The following ATRX variants were observed in gnomAD, a reference collection of about 807,000 sequenced individuals.
ATRX encodes the protein ATRX chromatin remodeler.
ATRX carries 12 observed loss-of-function variants against 172.6 expected under a neutral mutation model. The ratio of observed to expected loss-of-function variants is 0.07; its 90% CI spans 0.04 to 0.11. The LOEUF (loss-of-function observed/expected upper bound fraction) is 0.11, where lower values mean the gene tolerates loss of function less well. Ranked by LOEUF, ATRX falls within the 10% of genes least tolerant of loss-of-function variation. The pLI, the probability that ATRX is intolerant of heterozygous loss-of-function variation, is 1.00. For missense variants in ATRX, 1,368 were observed against 1,767.4 expected (o/e 0.77, Z 4.05); for synonymous variants, 674 against 594.7 (o/e 1.13, Z -1.94).
chrX:77,506,218 C>T lies in ATRX; in HGVS notation c.*2133G>A, dbSNP rs1167980214. 1.2e-5 allele frequency: 2 copies of T among 170,095 alleles called. No individual in the cohort carries two copies. The highest frequency in any genetic ancestry group is 3.0e-5 in the African/African-American group (1 of 33,739). The allele number at this position is 170,095 out of a possible 1,213,427, so 14.0% of individuals were successfully genotyped here. The stretch of plus-strand genomic sequence containing the variant: ...AATGAGCCTTTTAGTATTTTACTGA[C>T]GTGATTTTTTTGTCTTTAAATATTT... On this transcript the variant is annotated 3_prime_UTR_variant, in exon 35 of 35. Coordinates refer to ENST00000373344, the MANE Select transcript of ATRX (RefSeq NM_000489.6).
chrX:77,659,972 G>A (rs2069781255), intron 12 of ATRX, among the ~76,000 whole-genome samples: 1 of 111,385 alleles, frequency 9.0e-6, no homozygotes, highest in African/African-American at 3.3e-5. Context: ...GATTTTAGAA[G>A]TTTACTCTCT....
At chrX:77,694,586 C>T (rs1420844088) in intron 5 of ATRX, among the ~76,000 whole-genome samples, 1 of 110,390 alleles carries the variant, frequency 9.1e-6, no homozygotes, top group East Asian at 2.8e-4. Context: ...TTTGTTGATC[C>T]CTATGTTAAT....
intron 28 of ATRX, among the ~76,000 whole-genome samples, chrX:77,562,811 C>G (rs2065064264): frequency 8.9e-6 from 1 of 112,050 alleles, no homozygotes; most frequent in Non-Finnish European, 1.9e-5. Context: ...CCTCCCAAAG[C>G]CCTGGGATTG....
In ATRX at chrX:77,566,275, A is replaced by G; in HGVS notation, c.6327-7429T>C. The stretch of plus-strand genomic sequence containing the variant: ...TGAAAGAAGAGAGAAACGACACCTT[A>G]TCTAAGGGGGGAAAAACAATTCAAA... On this transcript the variant is annotated intron_variant, in intron 28 of 34. Transcript: ENST00000373344. Among the ~76,000 whole-genome samples the G allele has an allele frequency of 2.7e-5, 3 of 111,870 alleles. No homozygotes were observed. The South Asian group carries it at 1.1e-3, about 42-fold the overall frequency.
At chrX:77,536,397 T>C (rs1602421811) in intron 30 of ATRX, among the ~76,000 whole-genome samples, 1 of 111,506 alleles carries the variant, frequency 9.0e-6, no homozygotes, top group African/African-American at 3.3e-5. Flanking sequence ...AAAACACTAG[T>C]AATGGAAGAG....
rs1557150081 is a variant in ATRX, at chrX:77,696,710, A to G, written c.243-6T>C. On this transcript the variant is annotated splice_polypyrimidine_tract_variant and splice_region_variant and intron_variant, in intron 4 of 34. Transcript: ENST00000373344. Reference sequence around the variant, plus strand: ...TTGTTACAATTGAAGGTTTCCTATGAAAGAATTAAGTTCATAGAATTATGA... The same window carrying G: ...TTGTTACAATTGAAGGTTTCCTATGGAAGAATTAAGTTCATAGAATTATGA... 1 of 1,190,744 alleles carries G rather than the reference A, an allele frequency of 8.4e-7. No individual in the cohort carries two copies. The highest frequency in any genetic ancestry group is 1.8e-5 in the South Asian group (1 of 56,078).
chrX:77,681,418 A>C lies in ATRX; in HGVS notation c.3736+102T>G, dbSNP rs1460202091. 7.0e-6 allele frequency: 6 copies of C among 852,610 alleles called. No individual in the cohort carries two copies. In the Admixed American group the frequency reaches 1.2e-4, roughly 18 times the overall value. 70.3% of individuals were successfully genotyped at this position (852,610 alleles called of 1,213,427 possible). A position where few individuals can be genotyped will look rare whatever the true frequency, so the allele number is the denominator to read the frequency against. On this transcript the variant is annotated intron_variant, in intron 9 of 34. Coordinates refer to ENST00000373344, the MANE Select transcript of ATRX (RefSeq NM_000489.6). ...ATAATTTTTAAGTGGTATTCTCCTA[A>C]GTAGTAACCCTAAATTTGATTAGCT...
At chrX:77,783,785 C>G (rs1219936989) in intron 1 of ATRX, among the ~76,000 whole-genome samples, 1 of 111,889 alleles carries the variant, frequency 8.9e-6, no homozygotes, top group Non-Finnish European at 1.9e-5. Context: ...TGAGACAGTT[C>G]TGAACACCTA....
chrX:77,713,092 T>A (rs1458517250), intron 2 of ATRX, among the ~76,000 whole-genome samples: 1 of 110,855 alleles, frequency 9.0e-6, no homozygotes, highest in African/African-American at 3.3e-5. Context: ...AAGGTTGCAG[T>A]GATCTGAGAT....
At chrX:77,664,320 C>T (rs912786400) in intron 11 of ATRX, among the ~76,000 whole-genome samples, 4 of 109,343 alleles carry the variant, frequency 3.7e-5, no homozygotes, top group South Asian at 4.0e-4. Context: ...AGTGCAGCAG[C>T]GTGATCTCGG....
intron 15 of ATRX, among the ~76,000 whole-genome samples, chrX:77,643,546 A>C (rs1234071426): frequency 1.8e-5 from 2 of 110,906 alleles, no homozygotes; most frequent in Admixed American, 9.6e-5. Context: ...TCAACCGCCC[A>C]AGTAGCTGGG....
Position 77,683,536 on chromosome X carries a change from T to C in ATRX, c.1720A>G (p.Ile574Val), listed in dbSNP as rs2071372798. 8.3e-6 allele frequency: 10 copies of C among 1,209,158 alleles called. No individual in the cohort carries two copies. In the East Asian group the frequency reaches 3.0e-4, roughly 36 times the overall value. Residue 574 changes from isoleucine to valine, a missense_variant, in exon 9 of 35, where the codon ATT becomes GTT. By Grantham distance (29) the Ile-to-Val change is conservative (BLOSUM62 3). Around this residue, in one of 17 missense-constraint regions of ATRX, gnomAD observed 843 missense variants for 643.1 expected, o/e 1.31. Transcript: ENST00000373344. Reference protein sequence around the residue: ...NISSKDNRGGIKSKTTAKVTK... With the variant: ...NISSKDNRGGVKSKTTAKVTK... ...ACTTTAGCTGTAGTTTTTGATTTAA[T>C]ACCTCCTCTGTTGTCTTTTGAAGAA...
chrX:77,638,896 C>T (rs782528139), intron 15 of ATRX, among the ~76,000 whole-genome samples: 1 of 112,524 alleles, frequency 8.9e-6, no homozygotes, highest in African/African-American at 3.2e-5. Context: ...ATAGTTTCCA[C>T]AAGGTTGTTC....
At chrX:77,772,467 CAAA>C (rs782408268) in intron 1 of ATRX, among the ~76,000 whole-genome samples, 11 of 39,800 alleles carry the variant, frequency 2.8e-4, no homozygotes, top group Non-Finnish European at 9.4e-5. Context: ...TCCCTTCTCT[CAAA>C]AAAAAAAAAA....
chrX:77,548,363 T>G (rs1265226984), intron 30 of ATRX, among the ~76,000 whole-genome samples: 2 of 111,523 alleles, frequency 1.8e-5, no homozygotes, highest in Non-Finnish European at 3.8e-5. Flanking sequence ...AAGATAGGAA[T>G]AATATTCAAA....
At chrX:77,641,678 G>A (rs1338295868) in intron 15 of ATRX, among the ~76,000 whole-genome samples, 1 of 109,926 alleles carries the variant, frequency 9.1e-6, no homozygotes, top group Non-Finnish European at 1.9e-5. Flanking sequence ...GGAATTCCTA[G>A]TGATGAAAAT....
At chrX:77,626,050 TA>T (rs1490248290) in intron 19 of ATRX, among the ~76,000 whole-genome samples, 10 of 35,450 alleles carry the variant, frequency 2.8e-4, no homozygotes, top group Non-Finnish European at 5.2e-4. Context: ...TATATATATA[TA>T]TATATATATA....
At chrX:77,605,220 A>G (rs1790705539) in intron 22 of ATRX, among the ~76,000 whole-genome samples, 1 of 111,928 alleles carries the variant, frequency 8.9e-6, no homozygotes, top group African/African-American at 3.3e-5. Flanking sequence ...TGAGGTCAGG[A>G]GTTCGAGAAC....
In ATRX at chrX:77,635,826, G is replaced by A. The variant is rs1569533707; in HGVS notation, c.4699+89C>T. On this transcript the variant is annotated intron_variant, in intron 16 of 34. Coordinates refer to ENST00000373344, the MANE Select transcript of ATRX (RefSeq NM_000489.6). Reference sequence around the variant, plus strand: ...ACCCCACTCACCAATTTACCTCCAGGACTTAGCAGGATGTGAGGCAGCTGC... The same window carrying A: ...ACCCCACTCACCAATTTACCTCCAGAACTTAGCAGGATGTGAGGCAGCTGC... 2.9e-5 allele frequency: 25 copies of A among 876,352 alleles called. No homozygotes were observed. In the East Asian group the frequency reaches 8.5e-4, roughly 30 times the overall value. 72.2% of individuals were successfully genotyped at this position (876,352 alleles called of 1,213,427 possible).
Sources: allele counts gnomAD v4.1 joint callset (sites outside exome capture counted in the v4.1 genomes callset), GRCh38; gene constraint gnomAD v4.1.1; regional missense constraint gnomAD v4.1.1; transcripts MANE v1.5; gene names NCBI Gene and HGNC (gene_info 2026-07-23, HGNC 2026-07-21).